Variants in FAT3 observed in about 807,000 individuals in gnomAD.
FAT3 encodes the protein protocadherin Fat 3.
A neutral mutation model predicts 310.2 loss-of-function variants in FAT3; 95 were observed. That is an observed-to-expected ratio of 0.31 (90% CI 0.26 to 0.36). FAT3 has a LOEUF of 0.36. Ranked by LOEUF, FAT3 falls within the 10% of genes least tolerant of loss-of-function variation. The pLI, the probability that FAT3 is intolerant of heterozygous loss-of-function variation, is 1.00. For missense variants in FAT3, 5,408 were observed against 5,715.6 expected, an observed-to-expected ratio of 0.95 and a Z score of 1.74; for synonymous variants, 2,314 against 2,192.9, an observed-to-expected ratio of 1.06 and a Z score of -1.54.
intron 3 of FAT3, among the ~76,000 whole-genome samples, chr11:92,550,604 G>A (rs186563741): frequency 5.5e-4 from 83 of 152,176 alleles, no homozygotes; most frequent in African/African-American, 1.9e-3. Context: ...TGCTAAGACA[G>A]TCATTCACAA....
chr11:92,457,657 C>T (rs1469176172), intron 2 of FAT3, among the ~76,000 whole-genome samples: 2 of 152,130 alleles, frequency 1.3e-5, no homozygotes, highest in Non-Finnish European at 2.9e-5. Context: ...TGCTGTGGCT[C>T]ACACCTGTAA....
At chr11:92,311,073 TACAC>T (rs907692960) in intron 1 of FAT3, among the ~76,000 whole-genome samples, 1 of 151,796 alleles carries the variant, frequency 6.6e-6, no homozygotes, top group East Asian at 1.9e-4. Context: ...TGTGTACATA[TACAC>T]ACACACATAT....
chr11:92,576,327 G>C (rs1219025227), intron 3 of FAT3, among the ~76,000 whole-genome samples: 1 of 152,138 alleles, frequency 6.6e-6, no homozygotes, highest in African/African-American at 2.4e-5. Flanking sequence ...ACATGACCTT[G>C]ACTGTGTCAT....
chr11:92,748,916 G>T (rs1182364171), intron 4 of FAT3: 1 of 152,132 alleles, frequency 6.6e-6, no homozygotes, highest in Non-Finnish European at 1.5e-5. Flanking sequence ...TTTACTGTTT[G>T]TGTATACTTT....
intron 1 of FAT3, among the ~76,000 whole-genome samples, chr11:92,233,782 C>T (rs1465985782): frequency 6.6e-6 from 1 of 152,122 alleles, no homozygotes; most frequent in African/African-American, 2.4e-5. Context: ...TTCCCTAGAT[C>T]TTGTTGAATT....
Position 92,799,943 on chromosome 11 carries a change from C to T in FAT3, c.6930C>T (p.Val2310=), listed in dbSNP as rs1286237534. The T allele has an allele frequency of 1.2e-6, 2 of 1,612,716 alleles. No individual in the cohort carries two copies. Among genetic ancestry groups the T allele is most frequent in the Admixed American group, 1.7e-5 (1 of 59,792 alleles). ...TTGGGACACCTGTTTTACAAGTTGT[C>T]TCTATTGATGCAGACTCAGAAAACA... The part of the protein sequence containing the change: ...SLIGTPVLQV[V]SIDADSENNK... Residue 2310 remains valine (V), a synonymous_variant, in exon 10 of 28, where the codon GTC becomes GTT. Transcript: ENST00000525166.
At chr11:92,886,761 A>G (rs1018827104) in intron 24 of FAT3, 4 of 449,528 alleles carry the variant, frequency 8.9e-6, no homozygotes, top group African/African-American at 2.0e-5. Context: ...TTTGGCTGTC[A>G]GCTGTTTGGA....
At position 92,353,317 on chromosome 11, in the gene FAT3, C is replaced by T; in HGVS notation, c.1205C>T (p.Pro402Leu). 1.9e-6 allele frequency: 3 copies of T among 1,613,588 alleles called. No homozygotes were observed. Among genetic ancestry groups the T allele is most frequent in the Admixed American group, 1.7e-5 (1 of 59,904 alleles). ...GVVVAIVKLS[P>L]EPIDVEYKLS... is the part of the protein sequence containing the mutation. ...GTGGTTGCTATAGTAAAATTAAGTCCTGAACCGATAGATGTGGAATACAAA... is the reference window on the plus strand; with the variant it reads ...GTGGTTGCTATAGTAAAATTAAGTCTTGAACCGATAGATGTGGAATACAAA... Residue 402 changes from proline (P) to leucine (L), a missense_variant, in exon 2 of 28, where the codon CCT becomes CTT. By Grantham distance (98) the Pro-to-Leu change is moderately conservative. Coordinates refer to ENST00000525166, the MANE Select transcript of FAT3 (RefSeq NM_001367949.2).
At chr11:92,470,805 T>C (rs1951884251) in intron 2 of FAT3, among the ~76,000 whole-genome samples, 1 of 152,212 alleles carries the variant, frequency 6.6e-6, no homozygotes, top group East Asian at 1.9e-4. Context: ...ATGCATTTTA[T>C]CCTGATAGTC....
intron 3 of FAT3, among the ~76,000 whole-genome samples, chr11:92,598,503 T>G (rs1004502561): frequency 1.3e-5 from 2 of 152,160 alleles, no homozygotes; most frequent in Non-Finnish European, 2.9e-5. Context: ...TGAGCCTTCA[T>G]GCCCAGCTTC....
intron 1 of FAT3, among the ~76,000 whole-genome samples, chr11:92,349,161 C>T (rs1948494490): frequency 6.6e-6 from 1 of 152,112 alleles, no homozygotes; most frequent in Non-Finnish European, 1.5e-5. Context: ...CTTCTCAGCA[C>T]AGGATAGTGA....
intron 12 of FAT3, among the ~76,000 whole-genome samples, chr11:92,808,904 C>T (rs556708046): frequency 1.1e-4 from 16 of 151,558 alleles, no homozygotes; most frequent in African/African-American, 3.4e-4. Context: ...CCAGCCTGGG[C>T]GACAGAGCAA....
intron 4 of FAT3, among the ~76,000 whole-genome samples, chr11:92,710,131 G>A (rs143251363): frequency 6.6e-6 from 1 of 152,130 alleles, no homozygotes; most frequent in Non-Finnish European, 1.5e-5. Flanking sequence ...TTTAAAAAAT[G>A]CATAAGTACT....
chr11:92,758,189 C>T (rs913785681), intron 4 of FAT3, among the ~76,000 whole-genome samples: 22 of 152,156 alleles, frequency 1.4e-4, no homozygotes, highest in Non-Finnish European at 3.2e-4. Context: ...CAGAACATAA[C>T]AATGAATAAG....
At chr11:92,235,238 C>T (rs1479683216) in intron 1 of FAT3, among the ~76,000 whole-genome samples, 1 of 152,130 alleles carries the variant, frequency 6.6e-6, no homozygotes, top group Non-Finnish European at 1.5e-5. Context: ...AGCCCCTCTG[C>T]CTTTTTCTCT....
intron 2 of FAT3, among the ~76,000 whole-genome samples, chr11:92,501,355 G>T (rs932908818): frequency 6.6e-6 from 1 of 152,036 alleles, no homozygotes; most frequent in Non-Finnish European, 1.5e-5. Flanking sequence ...TTGTGGCTGA[G>T]CTATTGTCTT....
intron 3 of FAT3, among the ~76,000 whole-genome samples, chr11:92,611,712 A>G (rs1459318527): frequency 6.6e-6 from 1 of 152,136 alleles, no homozygotes; most frequent in Non-Finnish European, 1.5e-5. Flanking sequence ...CTATTTCTTG[A>G]TATACTCCAG....
At chr11:92,291,958 T>C (rs528482622) in intron 1 of FAT3, among the ~76,000 whole-genome samples, 1 of 152,188 alleles carries the variant, frequency 6.6e-6, no homozygotes, top group Non-Finnish European at 1.5e-5. Context: ...AAAATATCAC[T>C]TTTAGCAATA....
intron 3 of FAT3, among the ~76,000 whole-genome samples, chr11:92,532,964 A>G (rs888919351): frequency 2.0e-5 from 3 of 152,178 alleles, no homozygotes; most frequent in Non-Finnish European, 4.4e-5. Context: ...CATATTAAGT[A>G]TTCAGTGCCC....
Sources: allele counts gnomAD v4.1 joint callset (sites outside exome capture counted in the v4.1 genomes callset), GRCh38; gene constraint gnomAD v4.1.1; transcripts MANE v1.5; gene names NCBI Gene and HGNC (gene_info 2026-07-23, HGNC 2026-07-21).